Variants in SEMA6D observed in about 807,000 individuals in gnomAD.
SEMA6D encodes semaphorin 6D.
A neutral mutation model predicts 106.6 loss-of-function variants in SEMA6D; 35 were observed. The observed-to-expected ratio is 0.33, with a 90% CI of 0.25 to 0.44. The LOEUF (loss-of-function observed/expected upper bound fraction) is 0.44, where lower values mean the gene tolerates loss of function less well. Among genes scored for constraint, SEMA6D ranks in the 20% least tolerant of loss-of-function variants. The pLI, the probability that SEMA6D is intolerant of heterozygous loss-of-function variation, is 1.00. For missense variants in SEMA6D, 1,185 were observed against 1,345.9 expected, an observed-to-expected ratio of 0.88 and a Z score of 1.87; for synonymous variants, 499 against 487.7, an observed-to-expected ratio of 1.02 and a Z score of -0.31.
intron 2 of SEMA6D, among the ~76,000 whole-genome samples, chr15:47,414,250 T>G (rs1278926499): frequency 6.6e-6 from 1 of 152,208 alleles, no homozygotes; most frequent in East Asian, 1.9e-4. Flanking sequence ...TTGAGTTTCA[T>G]GTTTTATTTC....
intron 4 of SEMA6D, among the ~76,000 whole-genome samples, chr15:47,605,005 C>A (rs1482926734): frequency 2.0e-5 from 3 of 152,154 alleles, no homozygotes; most frequent in Non-Finnish European, 4.4e-5. Context: ...TGCACCCGGC[C>A]TCACTGTAAT....
At chr15:47,380,795 A>T (rs1168614053) in intron 1 of SEMA6D, among the ~76,000 whole-genome samples, 1 of 152,212 alleles carries the variant, frequency 6.6e-6, no homozygotes. Flanking sequence ...AGTAAAGATC[A>T]GTTGATATAA....
intron 4 of SEMA6D, among the ~76,000 whole-genome samples, chr15:47,643,534 G>C (rs2077527680): frequency 6.6e-6 from 1 of 152,124 alleles, no homozygotes; most frequent in South Asian, 2.1e-4. Flanking sequence ...TGATTCATTT[G>C]GTCTAGCATG....
chr15:47,424,192 G>A lies in SEMA6D; in HGVS notation c.-159+11720G>A, dbSNP rs368372994. ...CTATGCTAACTAGGAAAGTGCACTC[G>A]AAACATCCTCTGATTAGAAGACTAC... On this transcript the variant is annotated intron_variant, in intron 2 of 19. Transcript: ENST00000558014. 5.9e-5 allele frequency among the ~76,000 whole-genome samples: 9 copies of A among 152,098 alleles called. No homozygotes were observed. The East Asian group carries it at 1.2e-3, about 20-fold the overall frequency.
At chr15:47,254,059 A>C (rs1595553445) in intron 1 of SEMA6D, among the ~76,000 whole-genome samples, 1 of 150,998 alleles carries the variant, frequency 6.6e-6, no homozygotes, top group South Asian at 2.1e-4. Flanking sequence ...CATTGTAGAG[A>C]TCTTTCACCT....
chr15:47,610,563 C>T (rs564406768), intron 4 of SEMA6D, among the ~76,000 whole-genome samples: 48 of 152,298 alleles, frequency 3.2e-4, no homozygotes, highest in Non-Finnish European at 5.4e-4. Flanking sequence ...CAAACGCCCC[C>T]GCCACCATGT....
intron 1 of SEMA6D, among the ~76,000 whole-genome samples, chr15:47,218,333 C>T (rs1400322682): frequency 6.6e-6 from 1 of 152,178 alleles, no homozygotes; most frequent in East Asian, 1.9e-4. Flanking sequence ...TCTGTCTCTT[C>T]TACCACATGA....
chr15:47,651,557 A>G (rs1439873120), intron 4 of SEMA6D, among the ~76,000 whole-genome samples: 2 of 152,214 alleles, frequency 1.3e-5, no homozygotes, highest in Non-Finnish European at 2.9e-5. Flanking sequence ...CTTGCTTGTG[A>G]ATCTTAATGC....
At chr15:47,651,820 CTT>C (rs1235337738) in intron 4 of SEMA6D, among the ~76,000 whole-genome samples, 1 of 152,190 alleles carries the variant, frequency 6.6e-6, no homozygotes, top group Non-Finnish European at 1.5e-5. Flanking sequence ...ATTTAAGACT[CTT>C]TGCTTTGGTA....
intron 1 of SEMA6D, among the ~76,000 whole-genome samples, chr15:47,348,718 CCACACACACAGAGAGAGAGAGAGAG>C (rs772148091): frequency 0.012 from 597 of 47,962 alleles, 2 homozygotes; most frequent in Non-Finnish European, 0.024. Flanking sequence ...CACACACACA[CCACACACACAGAGAGAGAGAGAGAG>C]AGAGAGAGAG....
intron 4 of SEMA6D, among the ~76,000 whole-genome samples, chr15:47,614,785 A>C (rs1451997472): frequency 6.6e-6 from 1 of 152,218 alleles, no homozygotes; most frequent in Non-Finnish European, 1.5e-5. Flanking sequence ...GCTTGAATTT[A>C]GACTCTGCCA....
intron 4 of SEMA6D, among the ~76,000 whole-genome samples, chr15:47,696,496 G>C (rs974895898): frequency 6.6e-6 from 1 of 152,190 alleles, no homozygotes; most frequent in East Asian, 1.9e-4. Flanking sequence ...GCCCCTCCAT[G>C]GTGGTATCTC....
intron 4 of SEMA6D, among the ~76,000 whole-genome samples, chr15:47,643,397 G>C (rs73392832): frequency 0.023 from 3,458 of 152,294 alleles, 134 homozygotes; most frequent in African/African-American, 0.08. Flanking sequence ...TTTGAAAGAG[G>C]AAGGGGTGAG....
At chr15:47,499,057 A>C (rs139657020) in intron 3 of SEMA6D, among the ~76,000 whole-genome samples, 1 of 152,222 alleles carries the variant, frequency 6.6e-6, no homozygotes, top group East Asian at 1.9e-4. Context: ...CTTGCTGTGC[A>C]CCTTGCTGAT....
chr15:47,224,091 G>A (rs1026945352), intron 1 of SEMA6D, among the ~76,000 whole-genome samples: 2 of 151,332 alleles, frequency 1.3e-5, no homozygotes, highest in African/African-American at 4.9e-5. Flanking sequence ...GCACCAGCAT[G>A]GCACATGTAT....
At chr15:47,507,130 C>T (rs1233929965) in intron 3 of SEMA6D, among the ~76,000 whole-genome samples, 1 of 152,202 alleles carries the variant, frequency 6.6e-6, no homozygotes, top group Admixed American at 6.5e-5. Flanking sequence ...GAGCTGTCAG[C>T]CTCTACCCTG....
At chr15:47,499,057 AC>A (rs1484469610) in intron 3 of SEMA6D, among the ~76,000 whole-genome samples, 1 of 152,104 alleles carries the variant, frequency 6.6e-6, no homozygotes, top group East Asian at 1.9e-4. Context: ...CTTGCTGTGC[AC>A]CTTGCTGATC....
At chr15:47,184,407 T>TTCGGCCCGC (rs1893394477) in exon 1 of SEMA6D, 1 of 152,440 alleles carries the variant, frequency 6.6e-6, no homozygotes, top group South Asian at 2.1e-4. Flanking sequence ...AGGCTGAGCC[T>TTCGGCCCGC]TCGGCCCCCA....
intron 1 of SEMA6D, among the ~76,000 whole-genome samples, chr15:47,328,665 C>T (rs1002186733): frequency 2.6e-5 from 4 of 152,156 alleles, no homozygotes; most frequent in African/African-American, 4.8e-5. Context: ...CCACCTGATG[C>T]AGCTGGCCAA....
Sources: gnomAD v4.1 joint callset for allele counts (sites outside exome capture counted in the v4.1 genomes callset) on GRCh38, gnomAD v4.1.1 for gene constraint, MANE v1.5 for transcripts, NCBI Gene and HGNC (gene_info 2026-07-23, HGNC 2026-07-21) for gene names.